Variants in MID2 observed in about 807,000 individuals in gnomAD.
MID2 encodes midline 2.
Under a neutral mutation model 46.1 loss-of-function variants are expected in MID2, and 13 were observed. The ratio of observed to expected loss-of-function variants is 0.28; its 90% CI spans 0.18 to 0.45. MID2 has a LOEUF of 0.45. Among genes scored for constraint, MID2 ranks in the 20% least tolerant of loss-of-function variants. The pLI, the probability that MID2 is intolerant of heterozygous loss-of-function variation, is 1.00. For missense variants in MID2, 431 were observed against 575.4 expected (o/e 0.75, Z 2.57); for synonymous variants, 199 against 212.3 (o/e 0.94, Z 0.55).
At chrX:107,868,632 T>C (rs993883808) in intron 3 of MID2, among the ~76,000 whole-genome samples, 4 of 111,682 alleles carry the variant, frequency 3.6e-5, no homozygotes, top group Non-Finnish European at 7.5e-5. Context: ...TAAATTTTAT[T>C]TTCTCTGTGA....
chrX:107,925,967 C>G, intron 8 of MID2, 127 bp from the exon 9 acceptor site: 1 of 447,744 alleles, frequency 2.2e-6, no homozygotes, highest in South Asian at 5.3e-5. Context: ...CAGCAGCCAA[C>G]TTGCACTGGA....
In MID2 at chrX:107,927,677, AAAAAACTTT is replaced by A; in HGVS notation, c.*605_*613del. On this transcript the variant is annotated 3_prime_UTR_variant, in exon 10 of 10. Coordinates refer to ENST00000262843, the MANE Select transcript of MID2 (RefSeq NM_012216.4). ...TTCACTTTATATATTACATATACACAAAAAACTTTTTTTTCCAAACACCACCTCGAACTA... is the reference window on the plus strand; with the variant it reads ...TTCACTTTATATATTACATATACACATTTTTCCAAACACCACCTCGAACTA... 8.9e-6 allele frequency among the ~76,000 whole-genome samples: 1 copy of A among 112,153 alleles called. No individual in the cohort carries two copies. The highest frequency in any genetic ancestry group is 1.9e-5 in the Non-Finnish European group (1 of 53,220).
At chrX:107,855,711 T>G (rs1931725373) in intron 3 of MID2, among the ~76,000 whole-genome samples, 1 of 112,133 alleles carries the variant, frequency 8.9e-6, no homozygotes, top group African/African-American at 3.2e-5. Flanking sequence ...AAGAATCCTC[T>G]TATTATATGA....
Position 107,928,011 on chromosome X carries a change from G to A in MID2, c.*938G>A. On this transcript the variant is annotated 3_prime_UTR_variant, in exon 10 of 10. Coordinates refer to ENST00000262843, the MANE Select transcript of MID2 (RefSeq NM_012216.4). ...GAAGTGATGCTACCTACTTGAGGAT[G>A]GCCATCTGAATTGTTAAAAATTCTG... Among the ~76,000 whole-genome samples the A allele has an allele frequency of 9.0e-6, 1 of 110,944 alleles. No individual in the cohort carries two copies. Among genetic ancestry groups the A allele is most frequent in the Admixed American group, 9.6e-5 (1 of 10,437 alleles).
chrX:107,845,492 AACACAC>A (rs1177184448), intron 2 of MID2, among the ~76,000 whole-genome samples: 4 of 86,514 alleles, frequency 4.6e-5, no homozygotes, highest in African/African-American at 5.2e-5. Context: ...ATGGGAAAGT[AACACAC>A]ACACACACAC....
chrX:107,877,014 C>T (rs988240050), intron 3 of MID2, among the ~76,000 whole-genome samples: 3 of 111,162 alleles, frequency 2.7e-5, no homozygotes, highest in Admixed American at 9.5e-5. Flanking sequence ...AGAGGAGCAG[C>T]GCTGGAGGGA....
Position 107,927,009 on chromosome X carries a change from G to A in MID2, c.2144G>A (p.Arg715Gln), listed in dbSNP as rs370198556. 4.3e-5 allele frequency: 52 copies of A among 1,208,482 alleles called. No individual in the cohort carries two copies. In the African/African-American group the frequency reaches 6.3e-4, roughly 15 times the overall value. Residue 715 changes from arginine to glutamine, a missense_variant, in exon 10 of 10, where the codon CGG becomes CAG. Coordinates refer to ENST00000262843, the MANE Select transcript of MID2 (RefSeq NM_012216.4). ...CCAGATTTTATTGATTACCCTGAGC[G>A]GCAGGAATGCAACTGCAGGCCTCAA... ...PAPDFIDYPE[R>Q]QECNCRPQES... is the part of the protein sequence containing the mutation.
rs1186412988 is a variant in MID2, at chrX:107,927,099, G to A, written c.*26G>A. 1 of 1,147,620 alleles carries A rather than the reference G, an allele frequency of 8.7e-7. No individual in the cohort carries two copies. Among genetic ancestry groups the A allele is most frequent in the African/African-American group, 1.8e-5 (1 of 55,444 alleles). 94.6% of individuals were successfully genotyped at this position (1,147,620 alleles called of 1,213,427 possible). On this transcript the variant is annotated 3_prime_UTR_variant, in exon 10 of 10. Coordinates refer to ENST00000262843, the MANE Select transcript of MID2 (RefSeq NM_012216.4). Reference sequence around the variant, plus strand: ...GTTTCAGGAGAGTATATAATTCACTGGCTCTCTAGTTCAGCAGTTCTTCCC... The same window carrying A: ...GTTTCAGGAGAGTATATAATTCACTAGCTCTCTAGTTCAGCAGTTCTTCCC...
chrX:107,864,549 C>T (rs1341830719), intron 3 of MID2, among the ~76,000 whole-genome samples: 1 of 111,333 alleles, frequency 9.0e-6, no homozygotes, highest in Non-Finnish European at 1.9e-5. Context: ...GATGGGTCCT[C>T]ATTCTAGGGC....
intron 7 of MID2, among the ~76,000 whole-genome samples, chrX:107,918,046 A>G (rs1222187709): frequency 1.8e-5 from 2 of 111,522 alleles, no homozygotes; most frequent in Admixed American, 9.5e-5. Context: ...TCGTGGTAAA[A>G]TACATTATGT....
At chrX:107,826,764 G>T (rs1930959604) in intron 1 of MID2, among the ~76,000 whole-genome samples, 1 of 113,248 alleles carries the variant, frequency 8.8e-6, no homozygotes, top group Non-Finnish European at 1.9e-5. Context: ...GAATCCCCCG[G>T]CGCCTGGGCG....
intron 1 of MID2, among the ~76,000 whole-genome samples, chrX:107,839,382 T>TG (rs976062869): frequency 1.9e-5 from 2 of 107,595 alleles, no homozygotes; most frequent in African/African-American, 6.8e-5. Flanking sequence ...TTTGTTTGTT[T>TG]TTTTTTTTTT....
rs918436611 is a variant in MID2, at chrX:107,885,481, G to A, written c.817-18477G>A. Reference sequence around the variant, plus strand: ...ATTTTTTATGGCTACATAGTATTCCGTGGTGTATATGTGCCACATTTTTTT... The same window carrying A: ...ATTTTTTATGGCTACATAGTATTCCATGGTGTATATGTGCCACATTTTTTT... On this transcript the variant is annotated intron_variant, in intron 3 of 9. Transcript: ENST00000262843. 1.3e-4 allele frequency among the ~76,000 whole-genome samples: 15 copies of A among 111,179 alleles called. No homozygotes were observed. The East Asian group carries it at 2.2e-3, about 17-fold the overall frequency.
intron 1 of MID2, among the ~76,000 whole-genome samples, chrX:107,828,930 A>G (rs1931030762): frequency 8.9e-6 from 1 of 112,221 alleles, no homozygotes; most frequent in Non-Finnish European, 1.9e-5. Context: ...CCCAGGCTGG[A>G]GTGCAGTGGT....
intron 2 of MID2, among the ~76,000 whole-genome samples, chrX:107,849,810 AG>A (rs1215988511): frequency 8.9e-6 from 1 of 112,360 alleles, no homozygotes; most frequent in East Asian, 2.8e-4. Flanking sequence ...GAGGTGAAGA[AG>A]GTATCACAGT....
rs147263809 is a variant in MID2, at chrX:107,829,888, A to G, written c.4+3458A>G. 3.1e-3 allele frequency among the ~76,000 whole-genome samples: 349 copies of G among 112,439 alleles called. 1 individual carries two copies. The highest frequency in any genetic ancestry group is 0.011 in the African/African-American group (334 of 30,963). ...GACTTGATTGCTTTATGAACATATC[A>G]TCTGAATGGTGCAAATTGATTTAGA... On this transcript the variant is annotated intron_variant, in intron 1 of 9. Coordinates refer to ENST00000262843, the MANE Select transcript of MID2 (RefSeq NM_012216.4).
chrX:107,880,602 C>T (rs1312616127), intron 3 of MID2, among the ~76,000 whole-genome samples: 3 of 111,998 alleles, frequency 2.7e-5, no homozygotes, highest in African/African-American at 9.7e-5. Context: ...CTCAAAAGGC[C>T]AATCTTAGGT....
At chrX:107,833,429 ATT>A (rs1192153525) in intron 1 of MID2, among the ~76,000 whole-genome samples, 2 of 104,416 alleles carry the variant, frequency 1.9e-5, no homozygotes, top group African/African-American at 3.6e-5. Flanking sequence ...ATATATATAT[ATT>A]TTTTTTAAAA....
intron 3 of MID2, 32 bp from the exon 4 acceptor site, chrX:107,903,926 T>C: frequency 9.5e-7 from 1 of 1,050,651 alleles, no homozygotes; most frequent in Non-Finnish European, 1.3e-6. Context: ...AAGGCAACAA[T>C]CACTGTGTAA....
Sources: allele counts gnomAD v4.1 joint callset (sites outside exome capture counted in the v4.1 genomes callset), GRCh38; gene constraint gnomAD v4.1.1; transcripts MANE v1.5; gene names NCBI Gene and HGNC (gene_info 2026-07-23, HGNC 2026-07-21).